EPHA6: variants seen among roughly 807,000 people sequenced by gnomAD.
The protein encoded by EPHA6 is ephrin type-A receptor 6.
A neutral mutation model predicts 112.0 loss-of-function variants in EPHA6; 50 were observed. The ratio of observed to expected loss-of-function variants is 0.45; its 90% CI spans 0.36 to 0.56. The LOEUF (loss-of-function observed/expected upper bound fraction) is 0.56, where lower values mean the gene tolerates loss of function less well. Among genes scored for constraint, EPHA6 ranks in the 20% least tolerant of loss-of-function variants. The pLI is 0.00. For missense variants in EPHA6, 1,280 were observed against 1,417.4 expected, an observed-to-expected ratio of 0.90 and a Z score of 1.56; for synonymous variants, 529 against 490.7, an observed-to-expected ratio of 1.08 and a Z score of -1.03.
chr3:97,220,528 A>C (rs1308561733), intron 3 of EPHA6, among the ~76,000 whole-genome samples: 1 of 152,192 alleles, frequency 6.6e-6, no homozygotes, highest in Non-Finnish European at 1.5e-5. Context: ...ATCATGGCAG[A>C]AGGCAAAGGG....
In EPHA6 at chr3:97,353,369, G is replaced by A. The variant is rs570794645; in HGVS notation, c.1607-51781G>A. Among the ~76,000 whole-genome samples the A allele has an allele frequency of 2.6e-5, 4 of 151,994 alleles. No homozygotes were observed. The South Asian group carries it at 8.3e-4, about 32-fold the overall frequency. On this transcript the variant is annotated intron_variant, in intron 5 of 17. Transcript: ENST00000389672. ...ACTCCTGTGGCACATTTCTGCATCT[G>A]CCCTGCACCAGAGCCCCCTGCTGCC...
intron 3 of EPHA6, among the ~76,000 whole-genome samples, chr3:97,018,031 C>T (rs1390205042): frequency 6.6e-6 from 1 of 150,908 alleles, no homozygotes; most frequent in Non-Finnish European, 1.5e-5. Flanking sequence ...CTACCTTCAA[C>T]CTCACTAATC....
chr3:97,643,191 A>G lies in EPHA6; in HGVS notation c.2784+5109A>G, dbSNP rs1453259946. Among the ~76,000 whole-genome samples the G allele has an allele frequency of 2.3e-3, 348 of 149,810 alleles. 3 individuals are homozygous for G. The highest frequency in any genetic ancestry group is 8.0e-3 in the African/African-American group (329 of 41,202). On this transcript the variant is annotated intron_variant, in intron 14 of 17. Coordinates refer to ENST00000389672, the MANE Select transcript of EPHA6 (RefSeq NM_001080448.3). Reference sequence around the variant, plus strand: ...CCAGAATTTCATATCCAGCCAAACTAAGCTTCATAAGTGAAGGAGAAATAA... The same window carrying G: ...CCAGAATTTCATATCCAGCCAAACTGAGCTTCATAAGTGAAGGAGAAATAA...
intron 11 of EPHA6, among the ~76,000 whole-genome samples, chr3:97,554,883 C>T (rs187257004): frequency 2.2e-4 from 34 of 151,800 alleles, no homozygotes; most frequent in African/African-American, 8.0e-4. Context: ...ACCAGGGCTG[C>T]CCAATTCCAG....
intron 16 of EPHA6, among the ~76,000 whole-genome samples, chr3:97,737,605 G>C (rs1219001911): frequency 1.3e-5 from 2 of 152,042 alleles, no homozygotes; most frequent in Non-Finnish European, 2.9e-5. Context: ...GAGAGAGGGA[G>C]AGGGACAAGT....
chr3:97,483,969 G>C lies in EPHA6; in HGVS notation c.2110G>C (p.Asp704His). 1.2e-6 allele frequency: 2 copies of C among 1,606,864 alleles called. No homozygotes were observed. The highest frequency in any genetic ancestry group is 1.7e-6 in the Non-Finnish European group (2 of 1,176,834). ...FPGIKTYIDP[D>H]TYEDPSLAVH... is the part of the protein sequence containing the mutation. ...GGGAATTAAAACTTACATTGATCCA[G>C]ATACATATGAAGACCCATCCCTAGC... is the stretch of plus-strand genomic sequence containing the variant. Residue 704 changes from aspartate to histidine, a missense_variant, in exon 10 of 18, where the codon GAT (aspartate) becomes CAT (histidine). Asp to His is a moderately conservative substitution (Grantham distance 81). This residue lies in a region of EPHA6 where 878 missense variants were observed against 999.7 expected (regional missense o/e 0.88). Coordinates refer to ENST00000389672, the MANE Select transcript of EPHA6 (RefSeq NM_001080448.3).
chr3:97,637,977 A>C lies in EPHA6; in HGVS notation c.2679A>C (p.Leu893=). Residue 893 remains leucine, a synonymous_variant, in exon 14 of 18, where the codon CTA becomes CTC. Coordinates refer to ENST00000389672, the MANE Select transcript of EPHA6 (RefSeq NM_001080448.3). The stretch of plus-strand genomic sequence containing the variant: ...ATATGGGTTATGTTCATCGAGACCT[A>C]GCGGCTCGGAATATACTGGTCAATA... The part of the protein sequence containing the change: ...LSDMGYVHRD[L]AARNILVNSN... The C allele has an allele frequency of 1.2e-6, 2 of 1,613,874 alleles. No homozygotes were observed. The highest frequency in any genetic ancestry group is 8.5e-7 in the Non-Finnish European group (1 of 1,179,782).
rs200806142 is a variant in EPHA6 at position 96,871,188 on chromosome 3, T to C, written c.450+4299T>C. The stretch of plus-strand genomic sequence containing the variant: ...AAGAAATGCATTAGGTTTTGTTAAT[T>C]AATCAATTCTATCAGTGTACATTTC... On this transcript the variant is annotated intron_variant, in intron 2 of 17. Transcript: ENST00000389672. Among the ~76,000 whole-genome samples the C allele has an allele frequency of 2.6e-5, 4 of 152,038 alleles. No individual in the cohort carries two copies. The East Asian group carries it at 7.7e-4, about 29-fold the overall frequency.
At chr3:97,477,720 T>C (rs1017228535) in intron 8 of EPHA6, among the ~76,000 whole-genome samples, 14 of 152,260 alleles carry the variant, frequency 9.2e-5, no homozygotes, top group African/African-American at 3.4e-4. Context: ...TTCCTTACCC[T>C]CTATAACATT....
In EPHA6 at chr3:97,597,782, G is replaced by T. The variant is rs577864005; in HGVS notation, c.2512+5045G>T. The stretch of plus-strand genomic sequence containing the variant: ...AGTCAAAAATATTTTTATTCAGAAA[G>T]TATATGGCTTAGATGTTACAAATGG... On this transcript the variant is annotated intron_variant, in intron 12 of 17. Transcript: ENST00000389672. Among the ~76,000 whole-genome samples the T allele has an allele frequency of 2.6e-5, 4 of 152,296 alleles. No individual in the cohort carries two copies. The South Asian group carries it at 8.3e-4, about 32-fold the overall frequency.
At chr3:96,837,681 AT>A (rs1456873353) in intron 1 of EPHA6, among the ~76,000 whole-genome samples, 5 of 152,038 alleles carry the variant, frequency 3.3e-5, no homozygotes, top group Middle Eastern at 3.2e-3. Context: ...TCATTTAATC[AT>A]TTTTGGTGTA....
intron 1 of EPHA6, among the ~76,000 whole-genome samples, chr3:96,823,396 C>G (rs1168158635): frequency 6.6e-6 from 1 of 151,728 alleles, no homozygotes; most frequent in Non-Finnish European, 1.5e-5. Flanking sequence ...TTCTCTCTGG[C>G]TGTATATATT....
chr3:97,115,901 C>T (rs2047874264), intron 3 of EPHA6, among the ~76,000 whole-genome samples: 1 of 151,736 alleles, frequency 6.6e-6, no homozygotes, highest in Non-Finnish European at 1.5e-5. Context: ...TAAACAAAAT[C>T]ACCCTTATAT....
chr3:97,571,827 G>T (rs1374245375), intron 11 of EPHA6, among the ~76,000 whole-genome samples: 1 of 152,148 alleles, frequency 6.6e-6, no homozygotes, highest in Non-Finnish European at 1.5e-5. Context: ...AAGACTAATT[G>T]CCAAGCTTGC....
At chr3:97,395,285 A>G (rs978720032) in intron 5 of EPHA6, among the ~76,000 whole-genome samples, 4 of 151,880 alleles carry the variant, frequency 2.6e-5, no homozygotes, top group African/African-American at 9.7e-5. Context: ...AGAAAAAAAC[A>G]TAAAAACAAA....
At chr3:97,406,955 G>A (rs1425867829) in intron 6 of EPHA6, among the ~76,000 whole-genome samples, 2 of 152,026 alleles carry the variant, frequency 1.3e-5, no homozygotes, top group Non-Finnish European at 2.9e-5. Flanking sequence ...TATTTAACAA[G>A]CAATGTGCAT....
chr3:97,501,868 C>A (rs2092126600), intron 10 of EPHA6, among the ~76,000 whole-genome samples: 1 of 151,924 alleles, frequency 6.6e-6, no homozygotes, highest in Non-Finnish European at 1.5e-5. Flanking sequence ...CAAGGGTGCA[C>A]AGGCTTATGC....
At chr3:97,744,184 G>A (rs2035620514) in intron 16 of EPHA6, among the ~76,000 whole-genome samples, 1 of 151,816 alleles carries the variant, frequency 6.6e-6, no homozygotes, top group South Asian at 2.1e-4. Flanking sequence ...GGAAAAAGTT[G>A]ATCCTTGACC....
intron 2 of EPHA6, among the ~76,000 whole-genome samples, chr3:96,961,546 C>T (rs995572224): frequency 7.9e-5 from 12 of 152,162 alleles, no homozygotes; most frequent in African/African-American, 2.9e-4. Context: ...ATTGATGGCA[C>T]TTAACAATAA....
Sources: allele counts gnomAD v4.1 joint callset (sites outside exome capture counted in the v4.1 genomes callset), GRCh38; gene constraint gnomAD v4.1.1; regional missense constraint gnomAD v4.1.1; transcripts MANE v1.5; gene names NCBI Gene and HGNC (gene_info 2026-07-23, HGNC 2026-07-21).